Variants in MACROH2A1 observed in about 807,000 individuals in gnomAD.
MACROH2A1 encodes the protein core histone macro-H2A.1.
In MACROH2A1, 2 loss-of-function variants were observed where a neutral mutation model predicts 31.6. That is an observed-to-expected ratio of 0.06 (90% CI 0.03 to 0.20). MACROH2A1 has a LOEUF of 0.20. Ranked by LOEUF, MACROH2A1 falls within the 10% of genes least tolerant of loss-of-function variation. The pLI is 1.00. For synonymous variants in MACROH2A1, 169 were observed against 189.6 expected, an observed-to-expected ratio of 0.89 and a Z score of 0.89; for missense variants, 230 against 474.0, an observed-to-expected ratio of 0.49 and a Z score of 4.78.
intron 5 of MACROH2A1, chr5:135,359,918 T>C (rs1341090445): frequency 4.1e-6 from 4 of 984,942 alleles, no homozygotes; most frequent in East Asian, 1.1e-4. Context: ...CATGGCGTCC[T>C]GGCAAAGTTG....
At chr5:135,395,046 T>G (rs1767778253) in intron 1 of MACROH2A1, among the ~76,000 whole-genome samples, 1 of 152,178 alleles carries the variant, frequency 6.6e-6, no homozygotes, top group Non-Finnish European at 1.5e-5. Context: ...CTTGTAGAGC[T>G]ACCTTGGGGA....
intron 8 of MACROH2A1, among the ~76,000 whole-genome samples, chr5:135,340,063 C>G (rs193209894): frequency 6.6e-6 from 1 of 152,242 alleles, no homozygotes; most frequent in South Asian, 2.1e-4. Context: ...ACAGAGAGTA[C>G]GCAGGCAGGG....
At chr5:135,373,795 T>C (rs748594908) in intron 2 of MACROH2A1, among the ~76,000 whole-genome samples, 1 of 152,160 alleles carries the variant, frequency 6.6e-6, no homozygotes, top group East Asian at 1.9e-4. Flanking sequence ...CCTACCACCA[T>C]AGGGTGGGCC....
intron 2 of MACROH2A1, among the ~76,000 whole-genome samples, chr5:135,378,334 G>A (rs931755847): frequency 6.6e-5 from 10 of 152,214 alleles, no homozygotes; most frequent in African/African-American, 1.7e-4. Context: ...AGGGGACTTC[G>A]CCCCTCCTGT....
At chr5:135,389,766 A>G (rs1209768656) in intron 1 of MACROH2A1, among the ~76,000 whole-genome samples, 3 of 152,162 alleles carry the variant, frequency 2.0e-5, no homozygotes, top group African/African-American at 7.2e-5. Context: ...ACCCTCCTCT[A>G]CACCTCTTGT....
Position 135,378,501 on chromosome 5 carries a change from T to C in MACROH2A1, c.173-8359A>G, listed in dbSNP as rs548773247. The stretch of plus-strand genomic sequence containing the variant: ...AATCACCCATGACTGTTGCAGAGTC[T>C]GTCCCCTCAGGCTGTGTCTTCATCG... On this transcript the variant is annotated intron_variant, in intron 2 of 8. Transcript: ENST00000511689. Among the ~76,000 whole-genome samples the C allele has an allele frequency of 3.3e-5, 5 of 152,348 alleles. No homozygotes were observed. In the South Asian group the frequency reaches 8.3e-4, roughly 25 times the overall value.
chr5:135,349,606 G>C (rs2149763497), intron 6 of MACROH2A1, among the ~76,000 whole-genome samples: 1 of 152,218 alleles, frequency 6.6e-6, no homozygotes, highest in East Asian at 1.9e-4. Flanking sequence ...CAGAGATTGT[G>C]AGCTACTGCA....
chr5:135,395,659 C>T (rs1330613960), intron 1 of MACROH2A1, among the ~76,000 whole-genome samples: 1 of 152,206 alleles, frequency 6.6e-6, no homozygotes, highest in Non-Finnish European at 1.5e-5. Context: ...CACCCGCTGT[C>T]ATGTCCCCAG....
chr5:135,346,261 T>C, intron 6 of MACROH2A1: 2 of 575,542 alleles, frequency 3.5e-6, no homozygotes, highest in South Asian at 4.0e-5. Context: ...AATTGCTGCT[T>C]CATCTGGCTG....
At chr5:135,373,391 C>T (rs778958428) in intron 2 of MACROH2A1, among the ~76,000 whole-genome samples, 2 of 152,146 alleles carry the variant, frequency 1.3e-5, no homozygotes, top group South Asian at 2.1e-4. Context: ...GTAAGCACAT[C>T]GGGTTGAGAA....
Position 135,381,285 on chromosome 5 carries a change from G to T in MACROH2A1, c.172+7637C>A, listed in dbSNP as rs141711735. 9.2e-5 allele frequency among the ~76,000 whole-genome samples: 14 copies of T among 152,226 alleles called. 1 individual carries two copies. The highest frequency in any genetic ancestry group is 3.4e-3 in the Middle Eastern group (1 of 294). On this transcript the variant is annotated intron_variant, in intron 2 of 8. Coordinates refer to ENST00000511689, the MANE Select transcript of MACROH2A1 (RefSeq NM_138610.3). ...ATATTGAGCAAAAGCATGAAGAGAA[G>T]TCTTTATAGTTTTGGAAGGAGGTAG...
rs1157384763 is a variant in MACROH2A1, at chr5:135,357,977, C to CA, written c.588+2519dup. On this transcript the variant is annotated intron_variant, in intron 5 of 8. Transcript: ENST00000511689. Reference sequence around the variant, plus strand: ...GCTTGCAATCTTCAAGCACTGGTTTCAGTGTCACAGATAGAAAAATGAGAT... The same window carrying CA: ...GCTTGCAATCTTCAAGCACTGGTTTCAAGTGTCACAGATAGAAAAATGAGAT... 4 of 985,268 alleles carry CA rather than the reference C, an allele frequency of 4.1e-6. No homozygotes were observed. In the African/African-American group the frequency reaches 7.0e-5, roughly 17 times the overall value. 61.0% of individuals were successfully genotyped at this position (985,268 alleles called of 1,614,324 possible).
chr5:135,348,620 A>G (rs1761143462), intron 6 of MACROH2A1, among the ~76,000 whole-genome samples: 1 of 152,194 alleles, frequency 6.6e-6, no homozygotes, highest in Non-Finnish European at 1.5e-5. Context: ...TCAAAGTGGG[A>G]GCTGGAACCA....
chr5:135,377,140 T>C (rs1764986760), intron 2 of MACROH2A1, among the ~76,000 whole-genome samples: 1 of 152,188 alleles, frequency 6.6e-6, no homozygotes. Context: ...GGCTTTTGTC[T>C]GACCACAGCA....
chr5:135,386,240 A>C (rs1195814160), intron 2 of MACROH2A1, among the ~76,000 whole-genome samples: 1 of 152,186 alleles, frequency 6.6e-6, no homozygotes, highest in Non-Finnish European at 1.5e-5. Flanking sequence ...ACATGGCCCC[A>C]GAGTCTGGCT....
chr5:135,366,136 A>G (rs1193458162), intron 4 of MACROH2A1, among the ~76,000 whole-genome samples: 2 of 152,178 alleles, frequency 1.3e-5, no homozygotes, highest in Non-Finnish European at 2.9e-5. Context: ...CCATGATTCT[A>G]AGTTTCCTGA....
chr5:135,392,626 T>C (rs897085837), intron 1 of MACROH2A1, among the ~76,000 whole-genome samples: 3 of 152,312 alleles, frequency 2.0e-5, no homozygotes, highest in Non-Finnish European at 4.4e-5. Context: ...AACCCATGAA[T>C]GTGCCAGGTC....
chr5:135,351,035 G>A (rs1761468357), intron 6 of MACROH2A1: 1 of 660,564 alleles, frequency 1.5e-6, no homozygotes, highest in South Asian at 1.7e-5. Context: ...TGAGCCCAAG[G>A]GGCAATCAGT....
At chr5:135,396,790 G>A (rs1229048038) in intron 1 of MACROH2A1, among the ~76,000 whole-genome samples, 1 of 152,116 alleles carries the variant, frequency 6.6e-6, no homozygotes, top group Non-Finnish European at 1.5e-5. Flanking sequence ...TGCCTGAACA[G>A]GAGCTGATTC....
Sources: allele counts gnomAD v4.1 joint callset (sites outside exome capture counted in the v4.1 genomes callset), GRCh38; gene constraint gnomAD v4.1.1; transcripts MANE v1.5; gene names NCBI Gene and HGNC (gene_info 2026-07-23, HGNC 2026-07-21).